Variants in MBOAT2 observed in about 807,000 individuals in gnomAD.
MBOAT2 encodes membrane-bound glycerophospholipid O-acyltransferase 2.
In MBOAT2, 28 loss-of-function variants were observed where a neutral mutation model predicts 63.4. The ratio of observed to expected loss-of-function variants is 0.44; its 90% CI spans 0.33 to 0.61. The LOEUF (loss-of-function observed/expected upper bound fraction) is 0.61, where lower values mean the gene tolerates loss of function less well. MBOAT2 is among the 20% of genes least tolerant of loss of function. MBOAT2 has a pLI of 0.03. For synonymous variants in MBOAT2, 211 were observed against 215.6 expected, an observed-to-expected ratio of 0.98 and a Z score of 0.19; for missense variants, 470 against 605.8, an observed-to-expected ratio of 0.78 and a Z score of 2.35.
intron 7 of MBOAT2, among the ~76,000 whole-genome samples, chr2:8,875,737 A>C (rs781539617): frequency 1.3e-5 from 2 of 152,212 alleles, no homozygotes; most frequent in Non-Finnish European, 2.9e-5. Flanking sequence ...GAGACCACTA[A>C]AAGATTAAGT....
chr2:8,962,400 G>A (rs1157205120), intron 1 of MBOAT2, among the ~76,000 whole-genome samples: 1 of 152,198 alleles, frequency 6.6e-6, no homozygotes. Flanking sequence ...CTTCTGGGTA[G>A]ACAGAGGATG....
chr2:8,927,969 G>A (rs764182910), intron 3 of MBOAT2, among the ~76,000 whole-genome samples: 8 of 152,188 alleles, frequency 5.3e-5, no homozygotes, highest in South Asian at 2.1e-4. Flanking sequence ...GGGAGGTCTC[G>A]GGAAGCTTAT....
chr2:8,965,451 A>T (rs1669914812), intron 1 of MBOAT2, among the ~76,000 whole-genome samples: 1 of 152,092 alleles, frequency 6.6e-6, no homozygotes, highest in African/African-American at 2.4e-5. Flanking sequence ...TCCATCTTAC[A>T]CTTTTTTCCT....
intron 1 of MBOAT2, among the ~76,000 whole-genome samples, chr2:8,992,543 T>C (rs1275087725): frequency 6.6e-6 from 1 of 152,264 alleles, no homozygotes; most frequent in Non-Finnish European, 1.5e-5. Flanking sequence ...AGAACCAGAA[T>C]GTTTTGTTTG....
At chr2:8,955,243 G>C (rs1669130862) in intron 2 of MBOAT2, among the ~76,000 whole-genome samples, 1 of 152,202 alleles carries the variant, frequency 6.6e-6, no homozygotes, top group African/African-American at 2.4e-5. Flanking sequence ...CCCAGGTCTG[G>C]GAGAATGTCT....
At chr2:8,863,279 T>C (rs1661618184) in intron 10 of MBOAT2, among the ~76,000 whole-genome samples, 1 of 152,148 alleles carries the variant, frequency 6.6e-6, no homozygotes, top group Admixed American at 6.5e-5. Context: ...TGTGAAGAGA[T>C]GACAGCGTAT....
chr2:8,908,805 T>C (rs1665510634), intron 3 of MBOAT2, 89 bp from the exon 4 acceptor site: 6 of 724,130 alleles, frequency 8.3e-6, no homozygotes, highest in East Asian at 2.8e-5. Flanking sequence ...CTAAATGATA[T>C]GGTTCAGAAA....
At chr2:8,866,751 A>G (rs1383013659) in intron 9 of MBOAT2, among the ~76,000 whole-genome samples, 3 of 152,378 alleles carry the variant, frequency 2.0e-5, no homozygotes, top group African/African-American at 4.8e-5. Flanking sequence ...AGCTTGGGTC[A>G]TATGTCCCAT....
intron 9 of MBOAT2, among the ~76,000 whole-genome samples, chr2:8,866,849 G>A (rs1459510184): frequency 6.6e-6 from 1 of 152,078 alleles, no homozygotes; most frequent in Non-Finnish European, 1.5e-5. Context: ...CTAGAAATCC[G>A]ATTCAGATTT....
intron 5 of MBOAT2, 74 bp downstream of exon 5, chr2:8,887,944 A>G (rs1663679678): frequency 7.5e-7 from 1 of 1,336,206 alleles, no homozygotes; most frequent in Non-Finnish European, 1.1e-6. Context: ...GCAGAAAGTT[A>G]TGGCAATATC....
chr2:9,001,763 CATT>C (rs1260337743), intron 1 of MBOAT2, among the ~76,000 whole-genome samples: 3 of 152,062 alleles, frequency 2.0e-5, no homozygotes, highest in Non-Finnish European at 4.4e-5. Context: ...AAGTTATAAG[CATT>C]ATATAAATGA....
At chr2:8,875,646 G>C (rs1266845130) in intron 7 of MBOAT2, among the ~76,000 whole-genome samples, 2 of 152,176 alleles carry the variant, frequency 1.3e-5, no homozygotes, top group East Asian at 3.8e-4. Context: ...TTGACTCCTA[G>C]GCTTTTATTC....
chr2:8,903,219 C>T (rs963144604), intron 4 of MBOAT2, among the ~76,000 whole-genome samples: 5 of 152,168 alleles, frequency 3.3e-5, no homozygotes, highest in African/African-American at 4.8e-5. Context: ...AGTCCCCACC[C>T]GACCCAGAAG....
chr2:8,938,137 T>C (rs1667793663), intron 3 of MBOAT2, among the ~76,000 whole-genome samples: 1 of 152,216 alleles, frequency 6.6e-6, no homozygotes, highest in Admixed American at 6.5e-5. Context: ...CGTGTGTCTA[T>C]TTTTAAATTG....
intron 3 of MBOAT2, among the ~76,000 whole-genome samples, chr2:8,935,796 T>C (rs907556090): frequency 2.6e-5 from 4 of 152,200 alleles, no homozygotes; most frequent in African/African-American, 9.6e-5. Flanking sequence ...TTCAAACCCA[T>C]ATATATCTGA....
chr2:8,890,081 G>C (rs1468044323), intron 4 of MBOAT2, among the ~76,000 whole-genome samples: 3 of 152,176 alleles, frequency 2.0e-5, no homozygotes, highest in Non-Finnish European at 4.4e-5. Flanking sequence ...CAAGAATCAT[G>C]CTCTAACAGA....
intron 11 of MBOAT2, 195 bp from the exon 12 acceptor site, chr2:8,860,959 T>C (rs190439662): frequency 5.2e-6 from 2 of 384,816 alleles, no homozygotes; most frequent in African/African-American, 2.1e-5. Flanking sequence ...ACACACTGTG[T>C]ATAAAAGACA....
intron 1 of MBOAT2, among the ~76,000 whole-genome samples, chr2:8,965,673 G>C (rs781466489): frequency 6.6e-6 from 1 of 152,066 alleles, no homozygotes; most frequent in African/African-American, 2.4e-5. Context: ...TAGAACACGA[G>C]AAAGGAGTTT....
chr2:8,881,683 G>A (rs995738125), intron 6 of MBOAT2, among the ~76,000 whole-genome samples: 1 of 152,138 alleles, frequency 6.6e-6, no homozygotes, highest in Non-Finnish European at 1.5e-5. Context: ...AGCTACTCAA[G>A]TGTCTATTTA....
Sources: gnomAD v4.1 joint callset for allele counts (sites outside exome capture counted in the v4.1 genomes callset) on GRCh38, gnomAD v4.1.1 for gene constraint, MANE v1.5 for transcripts, NCBI Gene and HGNC (gene_info 2026-07-23, HGNC 2026-07-21) for gene names.